The following RBPJ variants were observed in gnomAD, a reference collection of about 807,000 sequenced individuals.
RBPJ encodes recombination signal binding protein for immunoglobulin kappa J region.
Under a neutral mutation model 67.8 loss-of-function variants are expected in RBPJ, and 9 were observed. The ratio of observed to expected loss-of-function variants is 0.13; its 90% CI spans 0.08 to 0.23. The LOEUF (loss-of-function observed/expected upper bound fraction) is 0.23, where lower values mean the gene tolerates loss of function less well. Ranked by LOEUF, RBPJ falls within the 10% of genes least tolerant of loss-of-function variation. The pLI, the probability that RBPJ is intolerant of heterozygous loss-of-function variation, is 1.00. For missense variants in RBPJ, 305 were observed against 595.6 expected (o/e 0.51, Z 5.08); for synonymous variants, 198 against 203.3 (o/e 0.97, Z 0.22).
At chr4:26,303,298 C>A (rs1475610331) in intron 1 of RBPJ, among the ~76,000 whole-genome samples, 22 of 142,656 alleles carry the variant, frequency 1.5e-4, no homozygotes, top group African/African-American at 4.9e-4. Context: ...TATATATAAT[C>A]TTTATGAAAT....
chr4:26,415,382 T>A, intron 3 of RBPJ, 93 bp from the exon 4 acceptor site: 1 of 1,112,120 alleles, frequency 9.0e-7, no homozygotes, highest in Non-Finnish European at 1.3e-6. Flanking sequence ...TTCAATATGA[T>A]TTTGTATTCA....
chr4:26,267,871 G>A (rs1173788734), intron 1 of RBPJ, among the ~76,000 whole-genome samples: 6 of 152,036 alleles, frequency 3.9e-5, no homozygotes, highest in African/African-American at 2.4e-5. Context: ...GCCTCCCAAA[G>A]TGTTGGGATT....
chr4:26,427,821 T>TA (rs1449922926), intron 7 of RBPJ, among the ~76,000 whole-genome samples: 1 of 152,188 alleles, frequency 6.6e-6, no homozygotes, highest in Non-Finnish European at 1.5e-5. Flanking sequence ...GAGAGATAGT[T>TA]ATGTTTGTAT....
At chr4:26,194,879 G>A (rs1717695815) in intron 1 of RBPJ, among the ~76,000 whole-genome samples, 1 of 152,190 alleles carries the variant, frequency 6.6e-6, no homozygotes, top group Non-Finnish European at 1.5e-5. Context: ...ATATCTATGT[G>A]TGCACCTGCT....
Position 26,289,773 on chromosome 4 carries a change from C to T in RBPJ, c.-166-72673C>T, listed in dbSNP as rs1023493119. ...AAGCTGAGGAAAGGTGGCCCAGGTA[C>T]CTTTCTCTCTAATGTCTTTACCAAA... On this transcript the variant is annotated intron_variant, in intron 1 of 4. Transcript: ENST00000512351. 4.0e-5 allele frequency among the ~76,000 whole-genome samples: 6 copies of T among 150,548 alleles called. 1 individual carries two copies. Among genetic ancestry groups the T allele is most frequent in the Non-Finnish European group, 7.4e-5 (5 of 67,576 alleles).
intron 1 of RBPJ, among the ~76,000 whole-genome samples, chr4:26,337,105 G>A (rs1250455512): frequency 1.3e-5 from 2 of 151,776 alleles, no homozygotes; most frequent in African/African-American, 4.8e-5. Context: ...GGGATTACAG[G>A]CGACAGCCAC....
At chr4:26,339,733 C>G (rs182673729) in intron 1 of RBPJ, among the ~76,000 whole-genome samples, 2 of 151,650 alleles carry the variant, frequency 1.3e-5, no homozygotes, top group East Asian at 2.0e-4. Context: ...TACATTAGAA[C>G]ACTTCTGGTC....
chr4:26,251,479 T>G (rs1484353040), intron 1 of RBPJ, among the ~76,000 whole-genome samples: 1 of 151,844 alleles, frequency 6.6e-6, no homozygotes, highest in Non-Finnish European at 1.5e-5. Context: ...CTACTAAAAT[T>G]ACAAAAATTA....
chr4:26,139,833 C>T, the RBPJ span, among the ~76,000 whole-genome samples: 1 of 152,156 alleles, frequency 6.6e-6, no homozygotes, highest in Non-Finnish European at 1.5e-5. Context: ...ACTCATGTTT[C>T]TGTACTTAAT....
chr4:26,361,438 A>G lies in RBPJ; in HGVS notation c.21-24915A>G, dbSNP rs145884898. On this transcript the variant is annotated intron_variant, in intron 1 of 10. Coordinates refer to ENST00000355476, the MANE Select transcript of RBPJ (RefSeq NM_015874.6). ...ACTCTTTCAACCAGGAAATAGTTTC[A>G]TTTTCTCCTTAGCACTTACTTTTTA... Among the ~76,000 whole-genome samples, 940 of 152,108 alleles carry G rather than the reference A, an allele frequency of 6.2e-3. 12 individuals carry two copies. Among genetic ancestry groups the G allele is most frequent in the African/African-American group, 0.021 (891 of 41,470 alleles).
At chr4:26,379,625 C>T (rs1194954570) in intron 1 of RBPJ, among the ~76,000 whole-genome samples, 1 of 152,128 alleles carries the variant, frequency 6.6e-6, no homozygotes, top group African/African-American at 2.4e-5. Flanking sequence ...AAACCTCCTC[C>T]ATGATCACCT....
chr4:26,356,523 C>G (rs1017951456), intron 1 of RBPJ, among the ~76,000 whole-genome samples: 3 of 152,150 alleles, frequency 2.0e-5, no homozygotes, highest in Admixed American at 6.5e-5. Flanking sequence ...CAGACAAATT[C>G]TTTGTGTACT....
At position 26,197,142 on chromosome 4, in the gene RBPJ, A is replaced by C. The variant is rs1262307244; in HGVS notation, c.-167+33528A>C. 6.6e-5 allele frequency among the ~76,000 whole-genome samples: 10 copies of C among 152,156 alleles called. 1 individual carries two copies. The highest frequency in any genetic ancestry group is 6.6e-4 in the Admixed American group (10 of 15,264). On this transcript the variant is annotated intron_variant, in intron 1 of 4. Transcript: ENST00000512351. The stretch of plus-strand genomic sequence containing the variant: ...TATAATGTTCATTATAATGGAGTAT[A>C]GCTGGATCAAGTAAGTGGACTTCAA...
chr4:26,189,176 T>C (rs1226555205), intron 1 of RBPJ, among the ~76,000 whole-genome samples: 1 of 152,166 alleles, frequency 6.6e-6, no homozygotes, highest in Non-Finnish European at 1.5e-5. Context: ...ATGATCATGC[T>C]ACTGTACTCC....
the RBPJ span, among the ~76,000 whole-genome samples, chr4:26,119,446 C>T: frequency 6.6e-6 from 1 of 152,186 alleles, no homozygotes; most frequent in Non-Finnish European, 1.5e-5. Context: ...TTTCATTTTT[C>T]AGATTAGCTC....
chr4:26,321,131 C>T lies in RBPJ; in HGVS notation c.20+83C>T, dbSNP rs915086361. On this transcript the variant is annotated intron_variant, in intron 1 of 10. Coordinates refer to ENST00000355476, the MANE Select transcript of RBPJ (RefSeq NM_015874.6). ...TCACGGCGGGCAGCGGGTTCGGGGGCCGCGGCGCGCTTGGCGTTCGGGGGC... is the reference window on the plus strand; with the variant it reads ...TCACGGCGGGCAGCGGGTTCGGGGGTCGCGGCGCGCTTGGCGTTCGGGGGC... The T allele has an allele frequency of 1.1e-5, 13 of 1,167,692 alleles. No individual in the cohort carries two copies. The African/African-American group carries it at 1.7e-4, about 16-fold the overall frequency. 72.3% of individuals were successfully genotyped at this position (1,167,692 alleles called of 1,614,324 possible). A position where few individuals can be genotyped will look rare whatever the true frequency, so the allele number is the denominator to read the frequency against.
Position 26,293,136 on chromosome 4 carries a change from C to A in RBPJ, c.-166-69310C>A, listed in dbSNP as rs768395148. On this transcript the variant is annotated intron_variant, in intron 1 of 4. Coordinates refer to the RBPJ transcript ENST00000512351. ...CCACACTCTGAAGGGGCTCTTAGGC[C>A]AGTTGGGGTCCTTCTACTGCATAAC... 2.0e-5 allele frequency among the ~76,000 whole-genome samples: 3 copies of A among 150,116 alleles called. 1 individual carries two copies. The highest frequency in any genetic ancestry group is 4.9e-5 in the African/African-American group (2 of 40,722).
At chr4:26,223,418 A>G (rs1205445047) in intron 1 of RBPJ, among the ~76,000 whole-genome samples, 1 of 152,246 alleles carries the variant, frequency 6.6e-6, no homozygotes, top group Non-Finnish European at 1.5e-5. Flanking sequence ...GGAACGACCA[A>G]CTTTGCCTGA....
intron 1 of RBPJ, among the ~76,000 whole-genome samples, chr4:26,274,665 G>C (rs1721020271): frequency 1.3e-5 from 2 of 152,178 alleles, no homozygotes; most frequent in Middle Eastern, 6.8e-3. Flanking sequence ...GCTGGGCACA[G>C]TGGCTCACAC....
Sources: allele counts gnomAD v4.1 joint callset (sites outside exome capture counted in the v4.1 genomes callset), GRCh38; gene constraint gnomAD v4.1.1; transcripts MANE v1.5; gene names NCBI Gene and HGNC (gene_info 2026-07-23, HGNC 2026-07-21).